Variants in DCC observed in about 807,000 individuals in gnomAD.
DCC encodes DCC netrin 1 receptor, also known as netrin receptor DCC.
In DCC, 58 loss-of-function variants were observed where a neutral mutation model predicts 172.5. That is an observed-to-expected ratio of 0.34 (90% confidence interval 0.27 to 0.42). The LOEUF (loss-of-function observed/expected upper bound fraction) is 0.42. Among genes scored for constraint, DCC ranks in the 10% least tolerant of loss-of-function variants. The pLI, the probability that DCC is intolerant of heterozygous loss-of-function variation, is 1.00. For synonymous variants in DCC, 709 were observed against 644.5 expected, an observed-to-expected ratio of 1.10 and a Z score of -1.52; for missense variants, 1,740 against 1,791.0, an observed-to-expected ratio of 0.97 and a Z score of 0.51.
intron 2 of DCC, among the ~76,000 whole-genome samples, chr18:52,782,556 A>G (rs1181993711): frequency 6.6e-6 from 1 of 152,176 alleles, no homozygotes; most frequent in South Asian, 2.1e-4. Context: ...TCTTGCATAC[A>G]TACTCACCCT....
At chr18:53,442,816 A>C (rs1046900513) in intron 22 of DCC, among the ~76,000 whole-genome samples, 6 of 152,218 alleles carry the variant, frequency 3.9e-5, no homozygotes, top group African/African-American at 1.4e-4. Context: ...TGCTGACATG[A>C]AGAAAGTTTT....
At chr18:52,735,437 G>A (rs1448062448) in intron 1 of DCC, among the ~76,000 whole-genome samples, 1 of 152,056 alleles carries the variant, frequency 6.6e-6, no homozygotes, top group African/African-American at 2.4e-5. Flanking sequence ...ATATATGAAG[G>A]GGAATTTACA....
intron 2 of DCC, among the ~76,000 whole-genome samples, chr18:52,763,448 A>T (rs1165226079): frequency 1.3e-5 from 2 of 152,194 alleles, no homozygotes. Context: ...CCCACAGTGC[A>T]TTGGGCACTC....
At chr18:52,741,391 G>A (rs976268156) in intron 1 of DCC, among the ~76,000 whole-genome samples, 20 of 152,104 alleles carry the variant, frequency 1.3e-4, no homozygotes, top group African/African-American at 4.6e-4. Context: ...TAAAACAGGG[G>A]TTCTCATCCT....
chr18:53,137,673 C>G (rs2043764955), intron 7 of DCC, among the ~76,000 whole-genome samples: 1 of 152,112 alleles, frequency 6.6e-6, no homozygotes, highest in South Asian at 2.1e-4. Flanking sequence ...TAGTGCATAT[C>G]TACCTCAGTT....
At chr18:52,625,689 C>A (rs887438463) in intron 1 of DCC, among the ~76,000 whole-genome samples, 2 of 152,174 alleles carry the variant, frequency 1.3e-5, no homozygotes, top group South Asian at 4.1e-4. Context: ...CACAGCAAAG[C>A]ATCTTGAAAG....
At chr18:52,594,261 A>C (rs945321764) in intron 1 of DCC, among the ~76,000 whole-genome samples, 1 of 152,198 alleles carries the variant, frequency 6.6e-6, no homozygotes, top group Non-Finnish European at 1.5e-5. Context: ...AATTCTTAGA[A>C]TGTTCTAGAT....
In DCC at chr18:53,210,800, G is replaced by A. The variant is rs557117157; in HGVS notation, c.1861+2983G>A. On this transcript the variant is annotated intron_variant, in intron 11 of 28. Coordinates refer to ENST00000442544, the MANE Select transcript of DCC (RefSeq NM_005215.4). ...ATTTCTTCCAATTTCATTACTTTAT[G>A]TTTTTTTTTCCCTGTTCTACTGGGA... 2.6e-5 allele frequency among the ~76,000 whole-genome samples: 4 copies of A among 150,990 alleles called. No individual in the cohort carries two copies. In the South Asian group the frequency reaches 8.4e-4, roughly 32 times the overall value.
At chr18:53,122,684 C>A (rs2043499687) in intron 7 of DCC, among the ~76,000 whole-genome samples, 1 of 151,974 alleles carries the variant, frequency 6.6e-6, no homozygotes, top group Non-Finnish European at 1.5e-5. Flanking sequence ...AATTAAATTG[C>A]CTTGTGGTCT....
intron 5 of DCC, among the ~76,000 whole-genome samples, chr18:52,931,482 T>C (rs982978109): frequency 3.3e-5 from 5 of 152,146 alleles, no homozygotes; most frequent in Non-Finnish European, 7.4e-5. Context: ...TGTCTGTGAA[T>C]GTGAACCTTC....
chr18:52,595,206 G>A (rs1385923723), intron 1 of DCC, among the ~76,000 whole-genome samples: 1 of 152,086 alleles, frequency 6.6e-6, no homozygotes, highest in South Asian at 2.1e-4. Flanking sequence ...AGATGTTATC[G>A]ACTAACAAGT....
At chr18:53,150,694 G>T (rs1242876884) in intron 7 of DCC, among the ~76,000 whole-genome samples, 1 of 152,214 alleles carries the variant, frequency 6.6e-6, no homozygotes, top group East Asian at 1.9e-4. Flanking sequence ...CCACGTCAGG[G>T]CAGCAAAGCA....
intron 10 of DCC, among the ~76,000 whole-genome samples, chr18:53,205,855 C>T (rs1373818530): frequency 6.6e-6 from 1 of 151,892 alleles, no homozygotes; most frequent in Non-Finnish European, 1.5e-5. Flanking sequence ...GCCTAGTCTC[C>T]TTCTCCTTAC....
chr18:52,446,191 G>A (rs1011097784), intron 1 of DCC, among the ~76,000 whole-genome samples: 1 of 152,148 alleles, frequency 6.6e-6, no homozygotes, highest in Non-Finnish European at 1.5e-5. Flanking sequence ...AAAGTGCTGG[G>A]ATTACAAGCG....
intron 26 of DCC, among the ~76,000 whole-genome samples, chr18:53,490,982 T>C (rs1039667794): frequency 6.6e-6 from 1 of 152,206 alleles, no homozygotes; most frequent in Non-Finnish European, 1.5e-5. Flanking sequence ...AAGGGCCCTC[T>C]CACTCCTGTC....
intron 5 of DCC, among the ~76,000 whole-genome samples, chr18:52,974,291 G>A (rs1039191218): frequency 6.6e-6 from 1 of 152,120 alleles, no homozygotes; most frequent in Non-Finnish European, 1.5e-5. Flanking sequence ...AGATGCCTGG[G>A]TCTTTTATCT....
chr18:53,283,397 C>T (rs927118102), intron 12 of DCC, among the ~76,000 whole-genome samples: 37 of 151,990 alleles, frequency 2.4e-4, no homozygotes, highest in African/African-American at 8.7e-4. Context: ...CTCTCTCTTT[C>T]TTAGAATTTT....
Position 53,486,786 on chromosome 18 carries a change from T to G in DCC, c.3737-11T>G. The G allele has an allele frequency of 6.2e-7, 1 of 1,614,152 alleles. No homozygotes were observed. Among genetic ancestry groups the G allele is most frequent in the Non-Finnish European group, 8.5e-7 (1 of 1,180,028 alleles). Reference sequence around the variant, plus strand: ...AGGTTCAAAAAACCCATTAACCTTTTTCTTTTGCAGCTGTCGTGAGCGCCA... The same window carrying G: ...AGGTTCAAAAAACCCATTAACCTTTGTCTTTTGCAGCTGTCGTGAGCGCCA... On this transcript the variant is annotated splice_polypyrimidine_tract_variant and intron_variant, in intron 25 of 28. Coordinates refer to ENST00000442544, the MANE Select transcript of DCC (RefSeq NM_005215.4).
At chr18:53,193,150 G>A (rs986759475) in intron 9 of DCC, among the ~76,000 whole-genome samples, 6 of 152,108 alleles carry the variant, frequency 3.9e-5, no homozygotes, top group African/African-American at 1.4e-4. Flanking sequence ...TCTGTGTACA[G>A]TAGACAAAGT....
Sources: gnomAD v4.1 joint callset for allele counts (sites outside exome capture counted in the v4.1 genomes callset) on GRCh38, gnomAD v4.1.1 for gene constraint, MANE v1.5 for transcripts, NCBI Gene and HGNC (gene_info 2026-07-23, HGNC 2026-07-21) for gene names.